Variants in THSD4 observed in about 807,000 individuals in gnomAD.
THSD4 encodes thrombospondin type-1 domain-containing protein 4.
Under a neutral mutation model 119.0 loss-of-function variants are expected in THSD4, and 69 were observed. The ratio of observed to expected loss-of-function variants is 0.58; its 90% CI spans 0.48 to 0.71. The LOEUF is 0.71. THSD4 is among the 30% of genes least tolerant of loss of function. THSD4 has a pLI of 0.00. For missense variants in THSD4, 1,393 were observed against 1,391.1 expected, an observed-to-expected ratio of 1.00 and a Z score of -0.02; for synonymous variants, 524 against 540.4, an observed-to-expected ratio of 0.97 and a Z score of 0.42.
At chr15:71,692,897 A>G (rs1424692466) in intron 8 of THSD4, among the ~76,000 whole-genome samples, 1 of 152,240 alleles carries the variant, frequency 6.6e-6, no homozygotes, top group Admixed American at 6.5e-5. Flanking sequence ...ACGATTTACA[A>G]GTCAGTCTCC....
chr15:71,375,669 G>A (rs763322434), intron 6 of THSD4, among the ~76,000 whole-genome samples: 17 of 151,916 alleles, frequency 1.1e-4, no homozygotes, highest in Admixed American at 4.6e-4. Flanking sequence ...TGAAAGATAA[G>A]TTAAGAACAA....
intron 6 of THSD4, among the ~76,000 whole-genome samples, chr15:71,327,372 A>C (rs1462639270): frequency 1.3e-5 from 2 of 152,100 alleles, no homozygotes; most frequent in Non-Finnish European, 2.9e-5. Context: ...CAGGTTCTGG[A>C]ACCTCCCTTG....
rs535919434 is a variant in THSD4, at chr15:71,395,914, G to GAGACACACAC, written c.1016-15772_1016-15771insGACACACACA. Among the ~76,000 whole-genome samples, 592 of 133,360 alleles carry GAGACACACAC rather than the reference G, an allele frequency of 4.4e-3. 3 individuals are homozygous for GAGACACACAC. Among genetic ancestry groups the GAGACACACAC allele is most frequent in the African/African-American group, 0.011 (396 of 34,650 alleles). 87.5% of individuals were successfully genotyped at this position (133,360 alleles called of 152,430 possible). On this transcript the variant is annotated intron_variant, in intron 6 of 17. Coordinates refer to ENST00000261862, the MANE Select transcript of THSD4 (RefSeq NM_024817.3). Reference sequence around the variant, plus strand: ...TCTGCTTCTCAGTGTTTTGAAGAGAGACACACACACACACACACACACACA... The same window carrying GAGACACACAC: ...TCTGCTTCTCAGTGTTTTGAAGAGAGAGACACACACACACACACACACACACACACACACA...
chr15:71,748,054 C>T (rs1452025409), intron 13 of THSD4, among the ~76,000 whole-genome samples: 3 of 152,104 alleles, frequency 2.0e-5, no homozygotes, highest in African/African-American at 4.8e-5. Context: ...CAGTGCTGGT[C>T]GGTTGTGTCT....
At chr15:71,394,425 A>T (rs929130296) in intron 6 of THSD4, among the ~76,000 whole-genome samples, 1 of 152,062 alleles carries the variant, frequency 6.6e-6, no homozygotes, top group Non-Finnish European at 1.5e-5. Flanking sequence ...GGCAAGTGCC[A>T]CCACGGCCGG....
rs555415238 is a variant in THSD4, at chr15:71,462,641, T to C, written c.1152+50818T>C. Among the ~76,000 whole-genome samples the C allele has an allele frequency of 2.0e-5, 3 of 152,352 alleles. No homozygotes were observed. The South Asian group carries it at 6.2e-4, about 32-fold the overall frequency. On this transcript the variant is annotated intron_variant, in intron 7 of 17. Transcript: ENST00000261862. The stretch of plus-strand genomic sequence containing the variant: ...CTGCATATCTTCTGACCATTGACCC[T>C]TAATTTTTATTCTCTCTGGAGTAAA...
chr15:71,717,918 G>A (rs1187007178), intron 8 of THSD4, among the ~76,000 whole-genome samples: 2 of 152,214 alleles, frequency 1.3e-5, no homozygotes, highest in Non-Finnish European at 2.9e-5. Context: ...AGAGGCCAAG[G>A]TGGGAGGATC....
intron 7 of THSD4, among the ~76,000 whole-genome samples, chr15:71,467,428 G>A (rs192441997): frequency 5.8e-4 from 89 of 152,288 alleles, no homozygotes; most frequent in Non-Finnish European, 9.3e-4. Context: ...ATGAAGAGTG[G>A]ACAGTCATGG....
At chr15:71,708,266 G>T (rs552366337) in intron 8 of THSD4, among the ~76,000 whole-genome samples, 10 of 152,192 alleles carry the variant, frequency 6.6e-5, no homozygotes, top group Non-Finnish European at 1.5e-4. Context: ...TATTTTACAC[G>T]ATGATAATAA....
chr15:71,727,766 T>A (rs2052889237), intron 8 of THSD4, among the ~76,000 whole-genome samples: 5 of 18,128 alleles, frequency 2.8e-4, no homozygotes, highest in African/African-American at 4.1e-4. Context: ...CAAGACCCTG[T>A]CTCAAAAAAA....
chr15:71,628,052 G>T (rs577664154), intron 7 of THSD4, among the ~76,000 whole-genome samples: 2 of 152,320 alleles, frequency 1.3e-5, no homozygotes, highest in Admixed American at 6.5e-5. Context: ...CACACAGTAG[G>T]ATCACCTGGG....
chr15:71,708,638 G>T (rs559057941), intron 8 of THSD4, among the ~76,000 whole-genome samples: 1 of 152,298 alleles, frequency 6.6e-6, no homozygotes, highest in Non-Finnish European at 1.5e-5. Flanking sequence ...ATGCAGCAAG[G>T]AATTCATCTT....
At chr15:71,486,289 C>G (rs1189083765) in intron 7 of THSD4, among the ~76,000 whole-genome samples, 1 of 152,138 alleles carries the variant, frequency 6.6e-6, no homozygotes, top group African/African-American at 2.4e-5. Context: ...AGTTTCTCCC[C>G]CTTTGCTAGT....
chr15:71,268,029 C>T (rs539848373), intron 6 of THSD4, among the ~76,000 whole-genome samples: 1 of 152,286 alleles, frequency 6.6e-6, no homozygotes, highest in East Asian at 1.9e-4. Context: ...TAACACCCCA[C>T]TGTCAATATT....
Position 71,777,477 on chromosome 15 carries a change from C to T in THSD4, c.*103C>T, listed in dbSNP as rs572484679. 4.0e-5 allele frequency: 58 copies of T among 1,463,504 alleles called. No individual in the cohort carries two copies. The highest frequency in any genetic ancestry group is 3.0e-4 in the South Asian group (23 of 75,694). 90.7% of individuals were successfully genotyped at this position (1,463,504 alleles called of 1,614,324 possible). ...TCCACCACGGGCCCCCTGGCCCAGG[C>T]GCTGCCAACCAACTTAGTCACCACC... On this transcript the variant is annotated 3_prime_UTR_variant, in exon 18 of 18. Transcript: ENST00000261862.
rs1170036550 is a variant in THSD4 at position 71,451,121 on chromosome 15, T to C, written c.1152+39298T>C. On this transcript the variant is annotated intron_variant, in intron 7 of 17. Transcript: ENST00000261862. ...TAAACCCGGGAGGCAGAGGTTGCAG[T>C]GAGCCAAGGTCACAACACTGCACTC... 9.9e-5 allele frequency among the ~76,000 whole-genome samples: 15 copies of C among 152,030 alleles called. No homozygotes were observed. The East Asian group carries it at 2.9e-3, about 29-fold the overall frequency.
intron 7 of THSD4, among the ~76,000 whole-genome samples, chr15:71,466,587 G>T (rs1022835190): frequency 2.6e-5 from 4 of 152,016 alleles, no homozygotes; most frequent in Admixed American, 2.6e-4. Flanking sequence ...CCACCTTCTG[G>T]ATCTCCCTCA....
At chr15:71,180,433 TGAA>T (rs1395082280) in intron 3 of THSD4, among the ~76,000 whole-genome samples, 2 of 152,108 alleles carry the variant, frequency 1.3e-5, no homozygotes, top group Non-Finnish European at 2.9e-5. Flanking sequence ...AGGGAAGAAA[TGAA>T]GGTTACCAAC....
At chr15:71,680,445 TA>T (rs1229277747) in intron 8 of THSD4, among the ~76,000 whole-genome samples, 1 of 152,230 alleles carries the variant, frequency 6.6e-6, no homozygotes, top group Admixed American at 6.5e-5. Flanking sequence ...AGACCAATAT[TA>T]ACCTGTAAGA....
Sources: allele counts gnomAD v4.1 joint callset (sites outside exome capture counted in the v4.1 genomes callset), GRCh38; gene constraint gnomAD v4.1.1; transcripts MANE v1.5; gene names NCBI Gene and HGNC (gene_info 2026-07-23, HGNC 2026-07-21).